CHAF1A: variants seen among roughly 807,000 people sequenced by gnomAD.
CHAF1A encodes the protein chromatin assembly factor 1 subunit A.
CHAF1A carries 5 observed loss-of-function variants against 93.2 expected under a neutral mutation model. That is an observed-to-expected ratio of 0.05 (90% confidence interval 0.03 to 0.11). CHAF1A has a LOEUF of 0.11. Ranked by LOEUF, CHAF1A falls within the 10% of genes least tolerant of loss-of-function variation. The pLI, the probability that CHAF1A is intolerant of heterozygous loss-of-function variation, is 1.00. For missense variants in CHAF1A, 1,102 were observed against 1,259.9 expected (o/e 0.87, Z 1.90); for synonymous variants, 504 against 510.3 (o/e 0.99, Z 0.17).
At chr19:4,432,477 G>A (rs1436314421) in intron 12 of CHAF1A, among the ~76,000 whole-genome samples, 1 of 152,100 alleles carries the variant, frequency 6.6e-6, no homozygotes, top group African/African-American at 2.4e-5. Context: ...AAGCCAGGGA[G>A]GGGCCGGGCA....
At chr19:4,404,998 A>T (rs187149319) in intron 1 of CHAF1A, among the ~76,000 whole-genome samples, 2 of 152,218 alleles carry the variant, frequency 1.3e-5, no homozygotes, top group African/African-American at 4.8e-5. Flanking sequence ...CTGATTTTAC[A>T]GATTTGGTGG....
intron 1 of CHAF1A, 120 bp downstream of exon 1, chr19:4,402,934 T>C (rs1973611182): frequency 9.2e-6 from 5 of 544,970 alleles, no homozygotes; most frequent in Non-Finnish European, 1.3e-5. Context: ...GGGCCGGGCG[T>C]TCACCCCCTG....
Position 4,438,928 on chromosome 19 carries a change from G to T in CHAF1A, c.2674-3317G>T, listed in dbSNP as rs557390313. Among the ~76,000 whole-genome samples, 13 of 152,246 alleles carry T rather than the reference G, an allele frequency of 8.5e-5. No homozygotes were observed. The South Asian group carries it at 2.7e-3, about 32-fold the overall frequency. On this transcript the variant is annotated intron_variant, in intron 13 of 14. Coordinates refer to ENST00000301280, the MANE Select transcript of CHAF1A (RefSeq NM_005483.3). ...ACCTGGGAGGCGGAGCTTGCGGTGA[G>T]CCGAGATCGCGCCACTGCACTCCAG...
chr19:4,440,253 A>G (rs1431737386), intron 13 of CHAF1A, among the ~76,000 whole-genome samples: 12 of 152,124 alleles, frequency 7.9e-5, no homozygotes, highest in Non-Finnish European at 1.5e-5. Context: ...GTGGAGGCTC[A>G]TGGTGGCCTC....
rs777853688 is a variant in CHAF1A, at chr19:4,409,776, G to A, written c.960+17G>A. On this transcript the variant is annotated intron_variant, in intron 3 of 14. Coordinates refer to ENST00000301280, the MANE Select transcript of CHAF1A (RefSeq NM_005483.3). Reference sequence around the variant, plus strand: ...CTCCGCAGAGTGAGTATCTCCCATGGAGTCCCTGCACATCAGTGCTCACGG... The same window carrying A: ...CTCCGCAGAGTGAGTATCTCCCATGAAGTCCCTGCACATCAGTGCTCACGG... 1.9e-6 allele frequency: 3 copies of A among 1,591,926 alleles called. No individual in the cohort carries two copies. The highest frequency in any genetic ancestry group is 1.7e-4 in the Middle Eastern group (1 of 5,976).
rs759210796 is a variant in CHAF1A, at chr19:4,423,793, C to CT, written c.1309-11dup. The CT allele has an allele frequency of 3.7e-6, 6 of 1,613,706 alleles. No individual in the cohort carries two copies. Among genetic ancestry groups the CT allele is most frequent in the Non-Finnish European group, 5.1e-6 (6 of 1,179,676 alleles). On this transcript the variant is annotated splice_polypyrimidine_tract_variant and intron_variant, in intron 6 of 14. Coordinates refer to ENST00000301280, the MANE Select transcript of CHAF1A (RefSeq NM_005483.3). Reference sequence around the variant, plus strand: ...CCTCTCCTCTTTCTCATCACCATCTCTTAACATCACAGCGCATTAAAGCAG... The same window carrying CT: ...CCTCTCCTCTTTCTCATCACCATCTCTTTAACATCACAGCGCATTAAAGCAG...
intron 2 of CHAF1A, among the ~76,000 whole-genome samples, chr19:4,406,589 C>G (rs906260358): frequency 1.3e-5 from 2 of 152,072 alleles, no homozygotes; most frequent in African/African-American, 4.8e-5. Context: ...CGCGTGCCAC[C>G]ACACCCAGCT....
In CHAF1A at chr19:4,422,893, C is replaced by T. The variant is rs529219827; in HGVS notation, c.1247+98C>T. The T allele has an allele frequency of 4.4e-6, 5 of 1,147,556 alleles. No individual in the cohort carries two copies. Among genetic ancestry groups the T allele is most frequent in the Middle Eastern group, 3.0e-4 (1 of 3,352 alleles). The allele number at this position is 1,147,556 out of a possible 1,614,324, so 71.1% of individuals were successfully genotyped here. A position where few individuals can be genotyped will look rare whatever the true frequency, so the allele number is the denominator to read the frequency against. ...GCCTTTCCACTTCACAGGCAGATGG[C>T]GGCTCCCTTCAGTTCCTTCCCATTT... On this transcript the variant is annotated intron_variant, in intron 5 of 14. Transcript: ENST00000301280. This position sits in a 1 kb window ranked among gnomAD's most constrained non-coding sequence, Gnocchi z 4.6.
chr19:4,446,748 T>C, downstream of CHAF1A: 1 of 1,610,206 alleles, frequency 6.2e-7, no homozygotes, highest in Non-Finnish European at 8.5e-7. Flanking sequence ...TGGGTGTCAC[T>C]GTGCAATGGA....
intron 11 of CHAF1A, among the ~76,000 whole-genome samples, chr19:4,431,564 G>A (rs1358541308): frequency 6.6e-6 from 1 of 152,148 alleles, no homozygotes; most frequent in Non-Finnish European, 1.5e-5. Context: ...TCTGACCACC[G>A]AGGCCTGAAC....
chr19:4,447,721 T>C, downstream of CHAF1A: 2 of 1,295,178 alleles, frequency 1.5e-6, no homozygotes, highest in Non-Finnish European at 2.2e-6. Flanking sequence ...TCAGCCACAC[T>C]TGGCCTCTAG....
At chr19:4,431,674 A>T (rs1344342044) in intron 11 of CHAF1A, among the ~76,000 whole-genome samples, 2 of 152,148 alleles carry the variant, frequency 1.3e-5, no homozygotes, top group African/African-American at 2.4e-5. Flanking sequence ...ACGATCACAC[A>T]TTCACCAGAA....
intron 3 of CHAF1A, among the ~76,000 whole-genome samples, chr19:4,411,438 C>T (rs1163503298): frequency 6.6e-6 from 1 of 151,994 alleles, no homozygotes; most frequent in Non-Finnish European, 1.5e-5. Flanking sequence ...CCATGATGGC[C>T]AGACTGATTT....
At chr19:4,408,809 C>T (rs1340403738) in intron 2 of CHAF1A, 94 bp from the exon 3 acceptor site, 1 of 1,447,554 alleles carries the variant, frequency 6.9e-7, no homozygotes, top group Non-Finnish European at 9.3e-7. Context: ...AATTATCTCC[C>T]ACCCCCATGT....
chr19:4,409,364 G>A lies in CHAF1A; in HGVS notation c.565G>A (p.Gly189Ser). Residue 189 changes from glycine to serine, a missense_variant, in exon 3 of 15, where the codon GGC becomes AGC. By Grantham distance (56) the Gly-to-Ser change is moderately conservative. Transcript: ENST00000301280. ...TTGCAAAACAGAGGAGGAGGGTGTT[G>A]GCTGTGGAGGTGCAGGGAGGAGAGG... Reference protein sequence around the residue: ...IPCKTEEEGVGCGGAGRRGDS... With the variant: ...IPCKTEEEGVSCGGAGRRGDS... 1 of 1,614,174 alleles carries A rather than the reference G, an allele frequency of 6.2e-7. No individual in the cohort carries two copies.
intron 2 of CHAF1A, among the ~76,000 whole-genome samples, chr19:4,407,853 CAGG>C (rs1973708351): frequency 1.3e-5 from 2 of 151,962 alleles, no homozygotes; most frequent in African/African-American, 4.8e-5. Context: ...GAAGCTGAGG[CAGG>C]AGAATAGCTT....
downstream of CHAF1A, chr19:4,446,296 G>A: frequency 3.2e-6 from 5 of 1,571,998 alleles, no homozygotes; most frequent in Non-Finnish European, 4.3e-6. Flanking sequence ...GCAGGAGGCA[G>A]CCATCGGGGA....
At chr19:4,429,636 C>T (rs536745768) in intron 9 of CHAF1A, 30 bp downstream of exon 9, 29 of 1,614,056 alleles carry the variant, frequency 1.8e-5, no homozygotes, top group South Asian at 1.3e-4. Flanking sequence ...CCTCCGTCCC[C>T]GTACCTCCTC....
Position 4,417,908 on chromosome 19 carries a change from T to C in CHAF1A, c.961-112T>C, listed in dbSNP as rs531286474. ...ACACTTACTGGAGTTTGTGACCCTATTATGACATTTTGGTTCTGTTGGTGG... is the reference window on the plus strand; with the variant it reads ...ACACTTACTGGAGTTTGTGACCCTACTATGACATTTTGGTTCTGTTGGTGG... On this transcript the variant is annotated intron_variant, in intron 3 of 14. Transcript: ENST00000301280. 1.6e-5 allele frequency: 11 copies of C among 669,730 alleles called. No individual in the cohort carries two copies. In the Admixed American group the frequency reaches 2.8e-4, roughly 17 times the overall value. The allele number at this position is 669,730 out of a possible 1,614,324, so 41.5% of individuals were successfully genotyped here.
Sources: allele counts gnomAD v4.1 joint callset (sites outside exome capture counted in the v4.1 genomes callset), GRCh38; gene constraint gnomAD v4.1.1; non-coding constraint Gnocchi (gnomAD v3.1); transcripts MANE v1.5; gene names NCBI Gene and HGNC (gene_info 2026-07-23, HGNC 2026-07-21).